COMMD10: variants seen among roughly 807,000 people sequenced by gnomAD.
COMMD10 encodes the protein COMM domain-containing protein 10.
In COMMD10, 33 loss-of-function variants were observed where a neutral mutation model predicts 28.9. That is an observed-to-expected ratio of 1.14 (90% CI 0.87 to 1.53). The LOEUF (loss-of-function observed/expected upper bound fraction) is 1.53. Ranked by LOEUF, COMMD10 falls within the 40% of genes most tolerant of loss-of-function variation. COMMD10 has a pLI of 0.00. For synonymous variants in COMMD10, 110 were observed against 81.7 expected, an observed-to-expected ratio of 1.35 and a Z score of -1.87; for missense variants, 310 against 233.4, an observed-to-expected ratio of 1.33 and a Z score of -2.14.
chr5:116,176,344 C>A (rs145332102), intron 5 of COMMD10, among the ~76,000 whole-genome samples: 392 of 152,254 alleles, frequency 2.6e-3, no homozygotes, highest in Non-Finnish European at 4.4e-3. Flanking sequence ...GAATTCCTGG[C>A]ATCAAGTGAT....
chr5:116,157,939 CT>C (rs76882415), intron 5 of COMMD10, among the ~76,000 whole-genome samples: 8,096 of 137,930 alleles, frequency 0.059, 276 homozygotes, highest in East Asian at 0.15. Context: ...CTTTCCTTTA[CT>C]TTTTTTTTTT....
intron 2 of COMMD10, among the ~76,000 whole-genome samples, chr5:116,089,867 G>A (rs562854251): frequency 2.5e-4 from 38 of 152,226 alleles, no homozygotes; most frequent in African/African-American, 8.9e-4. Flanking sequence ...CTTTTAGAGG[G>A]GCTCCTATTT....
At chr5:116,203,807 C>A (rs556483893) in intron 5 of COMMD10, among the ~76,000 whole-genome samples, 33 of 151,972 alleles carry the variant, frequency 2.2e-4, no homozygotes, top group Non-Finnish European at 4.0e-4. Flanking sequence ...TAAAGACCAT[C>A]GAGACTAGGA....
intron 4 of COMMD10, among the ~76,000 whole-genome samples, chr5:116,109,011 A>G (rs1257189228): frequency 1.3e-5 from 2 of 151,948 alleles, no homozygotes; most frequent in Non-Finnish European, 2.9e-5. Context: ...TCTGCTCACC[A>G]TCCGTGGGCT....
intron 5 of COMMD10, among the ~76,000 whole-genome samples, chr5:116,149,562 A>G (rs1483058023): frequency 4.1e-5 from 6 of 146,938 alleles, no homozygotes; most frequent in African/African-American, 7.6e-5. Context: ...CCGGTGTGAG[A>G]TGGTATCTCA....
At chr5:116,259,763 A>G (rs1362124806) in intron 5 of COMMD10, among the ~76,000 whole-genome samples, 1 of 151,742 alleles carries the variant, frequency 6.6e-6, no homozygotes, top group African/African-American at 2.4e-5. Flanking sequence ...GTTTCGGACT[A>G]CATTTCCATA....
chr5:116,177,239 A>G (rs1217506146), intron 5 of COMMD10, among the ~76,000 whole-genome samples: 3 of 152,170 alleles, frequency 2.0e-5, no homozygotes, highest in Non-Finnish European at 4.4e-5. Context: ...TGGGTGGACC[A>G]GAAATAAGCT....
chr5:116,257,842 A>G (rs1561396103), intron 5 of COMMD10, among the ~76,000 whole-genome samples: 1 of 151,778 alleles, frequency 6.6e-6, no homozygotes, highest in Non-Finnish European at 1.5e-5. Context: ...CTACAAGGTA[A>G]AGATTTTGTG....
In COMMD10 at chr5:116,183,188, T is replaced by G. The variant is rs1367039910; in HGVS notation, c.510+49010T>G. On this transcript the variant is annotated intron_variant, in intron 5 of 6. Transcript: ENST00000274458. ...CTCACCAGAGAACCTAGAAATAAAT[T>G]ACCATGGGCATATAATATCTAACAT... Among the ~76,000 whole-genome samples the G allele has an allele frequency of 2.6e-5, 4 of 152,072 alleles. No individual in the cohort carries two copies. The East Asian group carries it at 7.7e-4, about 29-fold the overall frequency.
intron 5 of COMMD10, among the ~76,000 whole-genome samples, chr5:116,162,084 G>A (rs1246574096): frequency 2.0e-5 from 3 of 152,128 alleles, no homozygotes; most frequent in Non-Finnish European, 2.9e-5. Flanking sequence ...TGATTTTAAA[G>A]TACAAGAAAA....
intron 5 of COMMD10, among the ~76,000 whole-genome samples, chr5:116,145,631 G>A (rs1477798557): frequency 6.6e-6 from 1 of 151,788 alleles, no homozygotes; most frequent in African/African-American, 2.4e-5. Flanking sequence ...TCTGCACCCA[G>A]ATCTCATCTT....
Position 116,292,558 on chromosome 5 carries a change from C to T in COMMD10, c.*69C>T. On this transcript the variant is annotated 3_prime_UTR_variant, in exon 7 of 7. Transcript: ENST00000274458. ...TTATTTTGCATTGAAGATACATTGC[C>T]AGGTTGTGTTTTCTGAAGGATTCAG... The T allele has an allele frequency of 7.5e-7, 1 of 1,336,680 alleles. No individual in the cohort carries two copies. Among genetic ancestry groups the T allele is most frequent in the Non-Finnish European group, 1.0e-6 (1 of 967,452 alleles). The allele number at this position is 1,336,680 out of a possible 1,614,324, so 82.8% of individuals were successfully genotyped here.
chr5:116,190,006 G>T (rs1247078095), intron 5 of COMMD10, among the ~76,000 whole-genome samples: 1 of 152,118 alleles, frequency 6.6e-6, no homozygotes, highest in African/African-American at 2.4e-5. Flanking sequence ...CCAATTCAGA[G>T]GTGATGTATG....
intron 5 of COMMD10, among the ~76,000 whole-genome samples, chr5:116,199,940 T>C (rs1267915576): frequency 6.6e-6 from 1 of 152,080 alleles, no homozygotes; most frequent in Non-Finnish European, 1.5e-5. Flanking sequence ...GTTGGGTTTT[T>C]TCCTCAACAC....
At chr5:116,216,471 AC>A (rs1749102783) in intron 5 of COMMD10, among the ~76,000 whole-genome samples, 1 of 152,220 alleles carries the variant, frequency 6.6e-6, no homozygotes, top group South Asian at 2.1e-4. Flanking sequence ...TAGAACTATT[AC>A]AAACATTACA....
At chr5:116,188,366 A>G (rs1362896760) in intron 5 of COMMD10, 1 of 152,112 alleles carries the variant, frequency 6.6e-6, no homozygotes, top group Non-Finnish European at 1.5e-5. Context: ...GATTTAGAGT[A>G]ATCAGTTTTT....
At chr5:116,265,653 A>G (rs1386001938) in intron 5 of COMMD10, among the ~76,000 whole-genome samples, 1 of 151,836 alleles carries the variant, frequency 6.6e-6, no homozygotes, top group Non-Finnish European at 1.5e-5. Context: ...TGGAACATAA[A>G]AAATGATGAT....
chr5:116,140,414 T>C (rs569579648), intron 5 of COMMD10, among the ~76,000 whole-genome samples: 1 of 151,978 alleles, frequency 6.6e-6, no homozygotes, highest in Non-Finnish European at 1.5e-5. Context: ...GATATCTCTT[T>C]AACATACTGG....
intron 4 of COMMD10, among the ~76,000 whole-genome samples, chr5:116,109,575 C>T (rs1475864679): frequency 6.6e-6 from 1 of 152,204 alleles, no homozygotes; most frequent in African/African-American, 2.4e-5. Flanking sequence ...GCCTGGGCGA[C>T]AGAGTGAGAC....
Sources: gnomAD v4.1 joint callset for allele counts (sites outside exome capture counted in the v4.1 genomes callset) on GRCh38, gnomAD v4.1.1 for gene constraint, MANE v1.5 for transcripts, NCBI Gene and HGNC (gene_info 2026-07-23, HGNC 2026-07-21) for gene names.